GRM1: variants seen among roughly 807,000 people sequenced by gnomAD.
GRM1 encodes glutamate metabotropic receptor 1.
A neutral mutation model predicts 90.9 loss-of-function variants in GRM1; 33 were observed. That is an observed-to-expected ratio of 0.36 (90% CI 0.28 to 0.49). The LOEUF (loss-of-function observed/expected upper bound fraction) is 0.49, where lower values mean the gene tolerates loss of function less well. Among genes scored for constraint, GRM1 ranks in the 20% least tolerant of loss-of-function variants. GRM1 has a pLI of 0.99. For synonymous variants in GRM1, 700 were observed against 613.2 expected (o/e 1.14, Z -2.09); for missense variants, 1,190 against 1,534.3 (o/e 0.78, Z 3.75).
Position 146,352,296 on chromosome 6 carries a change from G to T in GRM1, c.1233G>T (p.Gly411=). 4 of 1,613,390 alleles carry T rather than the reference G, an allele frequency of 2.5e-6. No homozygotes were observed. Among genetic ancestry groups the T allele is most frequent in the Non-Finnish European group, 3.4e-6 (4 of 1,179,308 alleles). ...EENYVQDSKM[G]FVINAIYAMA... ...ACTATGTCCAGGACAGTAAGATGGG[G>T]TTTGTCATCAATGCCATCTATGCCA... Residue 411 remains glycine (G), a synonymous_variant, in exon 4 of 8, where the codon GGG becomes GGT. Transcript: ENST00000282753.
At chr6:146,109,483 G>C (rs1206726346) in intron 1 of GRM1, among the ~76,000 whole-genome samples, 1 of 152,214 alleles carries the variant, frequency 6.6e-6, no homozygotes, top group Non-Finnish European at 1.5e-5. Flanking sequence ...GATTTCAGAA[G>C]ATATATGGAA....
At chr6:146,076,039 A>G (rs538144376) in intron 1 of GRM1, among the ~76,000 whole-genome samples, 6 of 152,300 alleles carry the variant, frequency 3.9e-5, no homozygotes, top group African/African-American at 1.4e-4. Context: ...CCTGTGGGGG[A>G]CAAAGTTCAA....
chr6:146,076,232 A>G (rs546938582), intron 1 of GRM1, among the ~76,000 whole-genome samples: 119 of 152,320 alleles, frequency 7.8e-4, no homozygotes, highest in African/African-American at 2.3e-3. Flanking sequence ...ACCAGGAGAC[A>G]GCCTGGTGAG....
chr6:146,433,785 T>A, intron 7 of GRM1, 87 bp from the exon 8 acceptor site: 1 of 951,574 alleles, frequency 1.1e-6, no homozygotes, highest in Non-Finnish European at 1.7e-6. Flanking sequence ...TAAATCACAC[T>A]GAGCTAGGTT....
Position 146,034,145 on chromosome 6 carries a change from G to A in GRM1, c.700+3928G>A, listed in dbSNP as rs184023389. On this transcript the variant is annotated intron_variant, in intron 1 of 7. Transcript: ENST00000282753. ...TTTCTAATTAGAGTAGGAGTATATCGGAGTTAAATTGAGAGCAGAATTTCA... is the reference window on the plus strand; with the variant it reads ...TTTCTAATTAGAGTAGGAGTATATCAGAGTTAAATTGAGAGCAGAATTTCA... Among the ~76,000 whole-genome samples, 485 of 152,066 alleles carry A rather than the reference G, an allele frequency of 3.2e-3. 16 individuals carry two copies. The highest frequency in any genetic ancestry group is 0.031 in the Admixed American group (467 of 15,264).
intron 2 of GRM1, among the ~76,000 whole-genome samples, chr6:146,303,408 C>T (rs1372814262): frequency 6.6e-6 from 1 of 152,158 alleles, no homozygotes; most frequent in Non-Finnish European, 1.5e-5. Flanking sequence ...TGAGTACAGG[C>T]CCCTGACGTC....
At chr6:146,398,153 T>C (rs1455430479) in intron 6 of GRM1, among the ~76,000 whole-genome samples, 1 of 152,172 alleles carries the variant, frequency 6.6e-6, no homozygotes, top group Non-Finnish European at 1.5e-5. Flanking sequence ...GGTTACTAAC[T>C]CAAAGGCCCT....
In GRM1 at chr6:146,270,849, T is replaced by TTC. The variant is rs1275422494; in HGVS notation, c.951-33761_951-33760insCT. ...TGCCTGCCTGCCTGCCTTTCTTTCT[T>TTC]TTTCTTTCTTTCTTTCTTTCTTTCT... On this transcript the variant is annotated intron_variant, in intron 2 of 7. Coordinates refer to ENST00000282753, the MANE Select transcript of GRM1 (RefSeq NM_001278064.2). Among the ~76,000 whole-genome samples the TTC allele has an allele frequency of 4.8e-3, 437 of 91,664 alleles. 13 individuals are homozygous for TTC. The highest frequency in any genetic ancestry group is 0.013 in the African/African-American group (269 of 21,330). 60.1% of individuals were successfully genotyped at this position (91,664 alleles called of 152,430 possible).
At chr6:146,414,157 C>A (rs992990523) in intron 7 of GRM1, among the ~76,000 whole-genome samples, 5 of 152,120 alleles carry the variant, frequency 3.3e-5, no homozygotes, top group African/African-American at 1.2e-4. Flanking sequence ...GTCATTCTGC[C>A]TCCTACCAAG....
At chr6:146,258,054 G>T (rs1488447291) in intron 2 of GRM1, among the ~76,000 whole-genome samples, 1 of 151,800 alleles carries the variant, frequency 6.6e-6, no homozygotes, top group Non-Finnish European at 1.5e-5. Flanking sequence ...TAACTAAACT[G>T]CCCAGCAGTT....
intron 1 of GRM1, among the ~76,000 whole-genome samples, chr6:146,031,856 G>A (rs1213116312): frequency 3.9e-5 from 6 of 152,070 alleles, no homozygotes; most frequent in Admixed American, 3.9e-4. Context: ...AAAGAGAATG[G>A]CAAAATCTAG....
intron 3 of GRM1, among the ~76,000 whole-genome samples, chr6:146,324,908 A>C (rs1017258602): frequency 6.6e-6 from 1 of 152,194 alleles, no homozygotes; most frequent in African/African-American, 2.4e-5. Flanking sequence ...AACTTAATTA[A>C]AATTTTAACT....
At chr6:146,341,483 A>G (rs1242069824) in intron 3 of GRM1, among the ~76,000 whole-genome samples, 1 of 152,182 alleles carries the variant, frequency 6.6e-6, no homozygotes, top group Non-Finnish European at 1.5e-5. Flanking sequence ...TAAGCACCTG[A>G]CCACGTTTGT....
At chr6:146,120,249 G>T (rs573032021) in intron 1 of GRM1, among the ~76,000 whole-genome samples, 197 of 151,946 alleles carry the variant, frequency 1.3e-3, no homozygotes, top group African/African-American at 4.5e-3. Flanking sequence ...GTTTGTTATT[G>T]GTGTATAAGA....
At chr6:146,259,775 C>T (rs1030615721) in intron 2 of GRM1, among the ~76,000 whole-genome samples, 6 of 152,020 alleles carry the variant, frequency 3.9e-5, no homozygotes, top group African/African-American at 1.4e-4. Context: ...CATACACTAT[C>T]TCTTTGTGTT....
intron 1 of GRM1, among the ~76,000 whole-genome samples, chr6:146,145,536 G>T (rs1338737870): frequency 6.6e-6 from 1 of 152,160 alleles, no homozygotes; most frequent in Non-Finnish European, 1.5e-5. Flanking sequence ...TGCAGCTCTG[G>T]TAAATATAAG....
chr6:146,131,033 C>A (rs1378418265), intron 1 of GRM1, among the ~76,000 whole-genome samples: 1 of 152,138 alleles, frequency 6.6e-6, no homozygotes, highest in African/African-American at 2.4e-5. Flanking sequence ...CCCCCAAGGC[C>A]TACCTCTTCT....
chr6:146,029,935 T>C lies in GRM1; in HGVS notation c.418T>C (p.Cys140Arg). The C allele has an allele frequency of 6.2e-7, 1 of 1,614,090 alleles. No homozygotes were observed. The highest frequency in any genetic ancestry group is 8.5e-7 in the Non-Finnish European group (1 of 1,180,010). The change falls in exon 1 of 8, where the codon TGT (cysteine) becomes CGT (arginine). Residue 140 changes from cysteine (C) to arginine (R), a missense_variant. Transcript: ENST00000282753. ...IRDEKDGINRCLPDGQSLPPG... is the reference protein window; with the variant it reads ...IRDEKDGINRRLPDGQSLPPG... Reference sequence around the variant, plus strand: ...AGATGAGAAGGATGGGATCAACCGGTGTCTGCCTGACGGCCAGTCCCTCCC... The same window carrying C: ...AGATGAGAAGGATGGGATCAACCGGCGTCTGCCTGACGGCCAGTCCCTCCC...
Position 146,062,927 on chromosome 6 carries a change from C to G in GRM1, c.700+32710C>G, listed in dbSNP as rs117381785. Among the ~76,000 whole-genome samples the G allele has an allele frequency of 7.9e-3, 1,197 of 152,150 alleles. 6 individuals are homozygous for G. Among genetic ancestry groups the G allele is most frequent in the Non-Finnish European group, 0.013 (859 of 67,990 alleles). Reference sequence around the variant, plus strand: ...GAGGTTCTCCCTCACCCTTGCCATGCCTTTACAGAGTTTTTCCTTTATTTT... The same window carrying G: ...GAGGTTCTCCCTCACCCTTGCCATGGCTTTACAGAGTTTTTCCTTTATTTT... On this transcript the variant is annotated intron_variant, in intron 1 of 7. Transcript: ENST00000282753.
Sources: gnomAD v4.1 joint callset for allele counts (sites outside exome capture counted in the v4.1 genomes callset) on GRCh38, gnomAD v4.1.1 for gene constraint, MANE v1.5 for transcripts, NCBI Gene and HGNC (gene_info 2026-07-23, HGNC 2026-07-21) for gene names.